Variants in MIA2 observed in about 807,000 individuals in gnomAD.
MIA2 encodes the protein MIA SH3 domain ER export factor 2.
MIA2 carries 127 observed loss-of-function variants against 167.8 expected under a neutral mutation model. The observed-to-expected ratio is 0.76, with a 90% confidence interval of 0.66 to 0.88. The LOEUF is 0.88. Among genes scored for constraint, MIA2 ranks in the 40% least tolerant of loss-of-function variants. The probability of loss-of-function intolerance (pLI) is 0.00; values close to 1 mark genes in which losing one functional copy is unlikely to be tolerated. For missense variants in MIA2, 1,690 were observed against 1,624.7 expected (o/e 1.04, Z -0.69); for synonymous variants, 552 against 541.9 (o/e 1.02, Z -0.26).
intron 6 of MIA2, among the ~76,000 whole-genome samples, chr14:39,257,744 G>A (rs2054887528): frequency 6.6e-6 from 1 of 152,078 alleles, no homozygotes; most frequent in Non-Finnish European, 1.5e-5. Context: ...TCCATATTTA[G>A]TGCTTCTTTC....
At chr14:39,273,027 C>G (rs953192994) in intron 6 of MIA2, among the ~76,000 whole-genome samples, 1 of 152,206 alleles carries the variant, frequency 6.6e-6, no homozygotes, top group South Asian at 2.1e-4. Context: ...AACTTAATAG[C>G]TCTGATAGTT....
chr14:39,304,446 G>C, intron 17 of MIA2, 65 bp downstream of exon 17: 1 of 849,064 alleles, frequency 1.2e-6, no homozygotes, highest in Non-Finnish European at 1.8e-6. Flanking sequence ...GCAGAGAATG[G>C]TAAAAATGAA....
At chr14:39,258,990 A>C (rs1251461581) in intron 6 of MIA2, among the ~76,000 whole-genome samples, 1 of 152,170 alleles carries the variant, frequency 6.6e-6, no homozygotes, top group Non-Finnish European at 1.5e-5. Context: ...TGCCTGCCGG[A>C]GCTCTCCTGT....
intron 6 of MIA2, chr14:39,267,538 A>G (rs1156721197): frequency 6.2e-6 from 10 of 1,612,798 alleles, no homozygotes; most frequent in Admixed American, 1.7e-5. Context: ...CCCAGGCGCG[A>G]TGAGTGTTAC....
chr14:39,320,628 A>G lies in MIA2; in HGVS notation c.3368-300A>G, dbSNP rs568385907. The stretch of plus-strand genomic sequence containing the variant: ...TCTAACTTTATGCTCCTATAACTCT[A>G]AGATATATCTCCAATATCCTTTGCT... On this transcript the variant is annotated intron_variant, in intron 23 of 28. Transcript: ENST00000640607. Among the ~76,000 whole-genome samples, 271 of 152,320 alleles carry G rather than the reference A, an allele frequency of 1.8e-3. 4 individuals carry two copies. The highest frequency in any genetic ancestry group is 6.8e-3 in the Middle Eastern group (2 of 294).
chr14:39,287,008 G>T (rs1423991611), intron 9 of MIA2, among the ~76,000 whole-genome samples: 1 of 152,044 alleles, frequency 6.6e-6, no homozygotes, highest in Non-Finnish European at 1.5e-5. Flanking sequence ...TTACAGGCGT[G>T]AGCTACCATG....
intron 6 of MIA2, among the ~76,000 whole-genome samples, chr14:39,255,369 G>T (rs139313905): frequency 1.3e-5 from 2 of 152,160 alleles, no homozygotes; most frequent in African/African-American, 4.8e-5. Flanking sequence ...TTAGCTGGGC[G>T]TGGTGGCGCG....
chr14:39,277,303 A>G (rs1260816654), intron 7 of MIA2, among the ~76,000 whole-genome samples: 1 of 151,806 alleles, frequency 6.6e-6, no homozygotes, highest in Non-Finnish European at 1.5e-5. Context: ...AGGCAGAAAG[A>G]TCACTTGAGC....
intron 1 of MIA2, among the ~76,000 whole-genome samples, chr14:39,235,783 A>G (rs1245264883): frequency 1.3e-5 from 2 of 152,116 alleles, no homozygotes; most frequent in African/African-American, 2.4e-5. Context: ...GCCTCAAAAA[A>G]ATATATATAA....
intron 6 of MIA2, chr14:39,265,598 G>C (rs2152667142): frequency 1.9e-6 from 1 of 521,718 alleles, no homozygotes; most frequent in East Asian, 3.5e-5. Flanking sequence ...GAAAATTGGA[G>C]AGGGACATAG....
At chr14:39,271,845 A>G (rs1594841324) in intron 6 of MIA2, among the ~76,000 whole-genome samples, 1 of 151,816 alleles carries the variant, frequency 6.6e-6, no homozygotes, top group Non-Finnish European at 1.5e-5. Flanking sequence ...CCAGAGAGTG[A>G]GTGGAATAGA....
rs548985611 is a variant in MIA2 at position 39,386,186 on chromosome 14, G to T, written c.2249-699G>T. 35 of 1,392,206 alleles carry T rather than the reference G, an allele frequency of 2.5e-5. No individual in the cohort carries two copies. In the Admixed American group the frequency reaches 2.5e-4, roughly 10 times the overall value. The allele number at this position is 1,392,206 out of a possible 1,614,324, so 86.2% of individuals were successfully genotyped here. A position where few individuals can be genotyped will look rare whatever the true frequency, so the allele number is the denominator to read the frequency against. ...TGTTCCAGAGGTCTTGCCCTTGCTGGGGGTAAGGCTAAAGCCAGATTTTAT... is the reference window on the plus strand; with the variant it reads ...TGTTCCAGAGGTCTTGCCCTTGCTGTGGGTAAGGCTAAAGCCAGATTTTAT... On this transcript the variant is annotated intron_variant, in intron 23 of 23. Coordinates refer to the MIA2 transcript ENST00000341502.
At chr14:39,310,574 A>C (rs1333894891) in intron 18 of MIA2, among the ~76,000 whole-genome samples, 1 of 152,208 alleles carries the variant, frequency 6.6e-6, no homozygotes, top group Non-Finnish European at 1.5e-5. Flanking sequence ...CTGTAGCAGG[A>C]AGCTAACCCT....
intron 26 of MIA2, 129 bp from the exon 27 acceptor site, chr14:39,347,584 G>A (rs1035192135): frequency 3.6e-6 from 3 of 835,084 alleles, no homozygotes; most frequent in East Asian, 5.4e-5. Context: ...CCGCAATATA[G>A]GATATTGGTG....
intron 6 of MIA2, chr14:39,265,164 T>C (rs2055400440): frequency 4.7e-6 from 2 of 423,664 alleles, no homozygotes; most frequent in Non-Finnish European, 8.3e-6. Context: ...TGTGAGTATA[T>C]ATATATATAT....
intron 6 of MIA2, among the ~76,000 whole-genome samples, chr14:39,271,050 C>T (rs2057050163): frequency 1.3e-5 from 2 of 152,278 alleles, no homozygotes; most frequent in African/African-American, 2.4e-5. Context: ...GACAAGGTTA[C>T]AAACATTTAC....
At chr14:39,253,498 G>C (rs1207471123) in intron 6 of MIA2, 1 of 336,526 alleles carries the variant, frequency 3.0e-6, no homozygotes, top group Admixed American at 4.9e-5. Context: ...TGGGTGTGGT[G>C]GTGTGTGCCT....
At chr14:39,305,092 T>A (rs757357985) in intron 17 of MIA2, among the ~76,000 whole-genome samples, 3 of 152,210 alleles carry the variant, frequency 2.0e-5, no homozygotes, top group Non-Finnish European at 4.4e-5. Context: ...TTTTTACTTA[T>A]CTGTATTTTC....
intron 9 of MIA2, among the ~76,000 whole-genome samples, chr14:39,286,895 G>A (rs10147345): frequency 0.7 from 104,210 of 149,136 alleles, 37,200 homozygotes; most frequent in African/African-American, 0.77. Context: ...GTGTGTGTGT[G>A]TGTATTTTTT....
Sources: allele counts gnomAD v4.1 joint callset (sites outside exome capture counted in the v4.1 genomes callset), GRCh38; gene constraint gnomAD v4.1.1; transcripts MANE v1.5; gene names NCBI Gene and HGNC (gene_info 2026-07-23, HGNC 2026-07-21).